Variants in BMPER observed in about 807,000 individuals in gnomAD.
BMPER encodes BMP binding endothelial regulator.
A neutral mutation model predicts 87.3 loss-of-function variants in BMPER; 45 were observed. That is an observed-to-expected ratio of 0.52 (90% CI 0.41 to 0.66). The LOEUF (loss-of-function observed/expected upper bound fraction) is 0.66, where lower values mean the gene tolerates loss of function less well. Ranked by LOEUF, BMPER falls within the 30% of genes least tolerant of loss-of-function variation. The pLI, the probability that BMPER is intolerant of heterozygous loss-of-function variation, is 0.00. For missense variants in BMPER, 784 were observed against 867.5 expected, an observed-to-expected ratio of 0.90 and a Z score of 1.21; for synonymous variants, 326 against 316.2, an observed-to-expected ratio of 1.03 and a Z score of -0.33.
intron 13 of BMPER, among the ~76,000 whole-genome samples, chr7:34,104,271 T>C (rs1233753013): frequency 6.6e-6 from 1 of 152,220 alleles, no homozygotes; most frequent in East Asian, 1.9e-4. Flanking sequence ...TTAGATATAC[T>C]ACCGTGATTC....
chr7:34,002,812 G>A (rs1340121853), intron 6 of BMPER, among the ~76,000 whole-genome samples: 1 of 151,494 alleles, frequency 6.6e-6, no homozygotes. Flanking sequence ...TTTGTTTGAT[G>A]ATAGTATAGT....
chr7:34,036,488 C>A (rs1585761702), intron 6 of BMPER, among the ~76,000 whole-genome samples: 1 of 152,212 alleles, frequency 6.6e-6, no homozygotes, highest in Non-Finnish European at 1.5e-5. Flanking sequence ...TATCAGCAGG[C>A]CCCGCCTCTC....
chr7:33,927,751 G>C (rs1450996975), intron 2 of BMPER, among the ~76,000 whole-genome samples: 1 of 152,116 alleles, frequency 6.6e-6, no homozygotes, highest in Non-Finnish European at 1.5e-5. Flanking sequence ...CCCCAGGACT[G>C]GAAAGCCCCA....
At chr7:33,974,990 C>T (rs976139281) in intron 6 of BMPER, among the ~76,000 whole-genome samples, 16 of 152,252 alleles carry the variant, frequency 1.1e-4, no homozygotes, top group Admixed American at 1.0e-3. Context: ...TCTTCATGGG[C>T]CTGTCCTGTG....
At chr7:33,964,429 A>G (rs773351010) in intron 3 of BMPER, among the ~76,000 whole-genome samples, 63 of 152,228 alleles carry the variant, frequency 4.1e-4, no homozygotes, top group Non-Finnish European at 7.5e-4. Context: ...ACACGTAAAC[A>G]AGGGTGGTTA....
intron 3 of BMPER, among the ~76,000 whole-genome samples, chr7:33,954,292 G>A (rs1217610558): frequency 6.6e-6 from 1 of 152,178 alleles, no homozygotes; most frequent in African/African-American, 2.4e-5. Flanking sequence ...GACCTCTAAT[G>A]CTAATAAAAT....
At chr7:34,116,378 C>CT (rs1391192242) in intron 13 of BMPER, among the ~76,000 whole-genome samples, 1 of 152,138 alleles carries the variant, frequency 6.6e-6, no homozygotes, top group African/African-American at 2.4e-5. Flanking sequence ...TTTCCTCTGC[C>CT]TTATTCAGCT....
chr7:34,001,724 G>A (rs1786586820), intron 6 of BMPER, among the ~76,000 whole-genome samples: 1 of 151,458 alleles, frequency 6.6e-6, no homozygotes, highest in Non-Finnish European at 1.5e-5. Flanking sequence ...TGACTTTAAG[G>A]TTTAGTTACT....
chr7:34,112,385 A>G (rs1346524426), intron 13 of BMPER, among the ~76,000 whole-genome samples: 1 of 150,044 alleles, frequency 6.7e-6, no homozygotes, highest in African/African-American at 2.5e-5. Flanking sequence ...AGTCCCAGCT[A>G]CTCGGGAGGC....
intron 13 of BMPER, among the ~76,000 whole-genome samples, chr7:34,141,211 A>G (rs1347470340): frequency 2.2e-5 from 3 of 135,068 alleles, no homozygotes; most frequent in African/African-American, 8.1e-5. Flanking sequence ...TTGGAATTCC[A>G]GAGTCTCTAC....
At chr7:33,994,262 A>G (rs1786328421) in intron 6 of BMPER, among the ~76,000 whole-genome samples, 1 of 152,180 alleles carries the variant, frequency 6.6e-6, no homozygotes, top group South Asian at 2.1e-4. Context: ...CTGTGCTAGC[A>G]ATCAGCGAGA....
At chr7:33,918,069 G>C (rs1784130014) in intron 2 of BMPER, among the ~76,000 whole-genome samples, 1 of 152,048 alleles carries the variant, frequency 6.6e-6, no homozygotes, top group Admixed American at 6.5e-5. Flanking sequence ...TCAAACTCCT[G>C]GCCTCAAGCG....
In BMPER at chr7:33,932,098, C is replaced by T. The variant is rs1585649117; in HGVS notation, c.220-5191C>T. ...AGGCTTTGTTTTTCAGCTTTAGAGC[C>T]TCCACTGCTAAGCAACTTTCCCTCT... is the stretch of plus-strand genomic sequence containing the variant. On this transcript the variant is annotated intron_variant, in intron 2 of 14. Transcript: ENST00000649409. Among the ~76,000 whole-genome samples, 3 of 152,290 alleles carry T rather than the reference C, an allele frequency of 2.0e-5. 1 individual carries two copies. The Middle Eastern group carries it at 0.01, about 518-fold the overall frequency.
rs1475153405 is a variant in BMPER at position 34,055,240 on chromosome 7, G to A, written c.864G>A (p.Glu288=). ...AAGGCCAGGAGGGCTGTTGTGAAGA[G>A]TGCCTCCTACGAGTGCCCCCAGAAG... ...CDQGQEGCCE[E]CLLRVPPEDI... is the part of the protein sequence containing the mutation. The change falls in exon 9 of 15, where the codon GAG becomes GAA. Residue 288 remains glutamate (E), a synonymous_variant. Coordinates refer to ENST00000649409, the MANE Select transcript of BMPER (RefSeq NM_001365308.1). The A allele has an allele frequency of 1.2e-6, 2 of 1,614,028 alleles. No individual in the cohort carries two copies. Among genetic ancestry groups the A allele is most frequent in the Admixed American group, 1.7e-5 (1 of 60,002 alleles).
intron 2 of BMPER, among the ~76,000 whole-genome samples, chr7:33,934,861 A>G (rs1392046106): frequency 6.6e-6 from 1 of 152,238 alleles, no homozygotes; most frequent in Non-Finnish European, 1.5e-5. Flanking sequence ...GCATAAAGCC[A>G]TACAGTCCTG....
intron 2 of BMPER, among the ~76,000 whole-genome samples, chr7:33,907,289 T>C (rs1562622676): frequency 6.6e-6 from 1 of 152,068 alleles, no homozygotes; most frequent in East Asian, 1.9e-4. Flanking sequence ...TGAGATAAGA[T>C]TTAAGTATGA....
In BMPER at chr7:34,153,219, C is replaced by G; in HGVS notation, c.2004C>G (p.Asn668Lys). Reference protein sequence around the residue: ...PCVAGCHCPANLVLHKGRCIK... With the variant: ...PCVAGCHCPAKLVLHKGRCIK... ...TTGCTGGGTGCCACTGTCCAGCAAA[C>G]TTGGTCCTTCACAAGGGAAGGTGCA... Residue 668 changes from asparagine to lysine, a missense_variant, in exon 15 of 15, where the codon AAC becomes AAG. By Grantham distance (94) the Asn-to-Lys change is moderately conservative. Transcript: ENST00000649409. 2 of 1,614,104 alleles carry G rather than the reference C, an allele frequency of 1.2e-6. No individual in the cohort carries two copies. Among genetic ancestry groups the G allele is most frequent in the Non-Finnish European group, 1.7e-6 (2 of 1,179,996 alleles).
intron 1 of BMPER, 72 bp downstream of exon 1, chr7:33,905,818 T>C: frequency 1.9e-6 from 1 of 538,396 alleles, no homozygotes; most frequent in Non-Finnish European, 3.5e-6. Context: ...GGCGCTGGCT[T>C]GCCCCGGGGA....
intron 12 of BMPER, among the ~76,000 whole-genome samples, chr7:34,082,349 G>A (rs201293807): frequency 3.5e-5 from 1 of 28,186 alleles, no homozygotes; most frequent in Non-Finnish European, 8.0e-5. Flanking sequence ...TTTTTTTTTG[G>A]TCTTTCACTA....
Sources: gnomAD v4.1 joint callset for allele counts (sites outside exome capture counted in the v4.1 genomes callset) on GRCh38, gnomAD v4.1.1 for gene constraint, MANE v1.5 for transcripts, NCBI Gene and HGNC (gene_info 2026-07-23, HGNC 2026-07-21) for gene names.